Variants in ALG12 observed in about 807,000 individuals in gnomAD.
ALG12 encodes the protein ALG12 alpha-1,6-mannosyltransferase.
Under a neutral mutation model 46.0 loss-of-function variants are expected in ALG12, and 36 were observed. The ratio of observed to expected loss-of-function variants is 0.78; its 90% CI spans 0.60 to 1.03. The LOEUF (loss-of-function observed/expected upper bound fraction) is 1.03, where lower values mean the gene tolerates loss of function less well. ALG12 is among the 50% of genes least tolerant of loss of function. ALG12 has a pLI of 0.00. For synonymous variants in ALG12, 326 were observed against 291.6 expected (o/e 1.12, Z -1.20); for missense variants, 599 against 633.5 (o/e 0.95, Z 0.58).
downstream of ALG12, among the ~76,000 whole-genome samples, chr22:49,895,876 T>C (rs1601811863): frequency 6.6e-6 from 1 of 152,322 alleles, no homozygotes; most frequent in East Asian, 1.9e-4. Flanking sequence ...TAATATTTGA[T>C]CAGCTGCAGT....
chr22:49,868,949 T>TA, the ALG12 span, among the ~76,000 whole-genome samples: 1 of 69,782 alleles, frequency 1.4e-5, no homozygotes, highest in Non-Finnish European at 2.7e-5. Context: ...CTGTCTCTAC[T>TA]AAAAATACAA....
At chr22:49,912,873 G>GAA (rs71729997) in intron 3 of ALG12, among the ~76,000 whole-genome samples, 1 of 148,958 alleles carries the variant, frequency 6.7e-6, no homozygotes, top group East Asian at 2.0e-4. Context: ...TCTCAAAAAA[G>GAA]AAAAAAAAAT....
chr22:49,896,689 A>G (rs549300693), downstream of ALG12, among the ~76,000 whole-genome samples: 6 of 152,206 alleles, frequency 3.9e-5, no homozygotes, highest in East Asian at 5.8e-4. Context: ...AGGCTGGAGT[A>G]CAATGGCGTG....
the ALG12 span, chr22:49,885,569 C>T: frequency 6.2e-7 from 1 of 1,603,170 alleles, no homozygotes; most frequent in Non-Finnish European, 8.5e-7. Flanking sequence ...ACAGAATTAT[C>T]AGGCGCTTCC....
Position 49,913,431 on chromosome 22 carries a change from G to A in ALG12, c.249C>T (p.Tyr83=), listed in dbSNP as rs748143843. 2.0e-5 allele frequency: 33 copies of A among 1,613,870 alleles called. No individual in the cohort carries two copies. The highest frequency in any genetic ancestry group is 2.7e-5 in the Non-Finnish European group (32 of 1,180,046). Residue 83 remains tyrosine (Y), a synonymous_variant, in exon 3 of 10, where the codon TAC becomes TAT. Transcript: ENST00000330817. Reference sequence around the variant, plus strand: ...TGGACATTTCTAACAGCGAAAGCACGTAAACCGCGGGGCTGGAGAACACTG... The same window carrying A: ...TGGACATTTCTAACAGCGAAAGCACATAAACCGCGGGGCTGGAGAACACTG... The part of the protein sequence containing the change: ...VIAVFSSPAV[Y]VLSLLEMSKF...
chr22:49,885,415 A>G, the ALG12 span: 2 of 1,604,484 alleles, frequency 1.2e-6, no homozygotes, highest in Non-Finnish European at 1.7e-6. Context: ...CTGTGGCCGG[A>G]CCATCAGCCG....
At chr22:49,883,849 G>A in the ALG12 span, 1 of 1,609,362 alleles carries the variant, frequency 6.2e-7, no homozygotes. Context: ...GGGCCTCGGT[G>A]GGACGGGTTG....
chr22:49,902,901 G>T lies in ALG12; in HGVS notation c.*937C>A, dbSNP rs1224267337. On this transcript the variant is annotated 3_prime_UTR_variant, in exon 10 of 10. Transcript: ENST00000330817. Reference sequence around the variant, plus strand: ...TAATGTGCACGTGTGCACTGTGTGTGGTGTGTATGCATGGTGTGTGCACGT... The same window carrying T: ...TAATGTGCACGTGTGCACTGTGTGTTGTGTGTATGCATGGTGTGTGCACGT... The T allele has an allele frequency of 2.6e-4, 49 of 187,272 alleles. No individual in the cohort carries two copies. The highest frequency in any genetic ancestry group is 4.6e-4 in the Non-Finnish European group (45 of 97,084). 11.6% of individuals were successfully genotyped at this position (187,272 alleles called of 1,614,324 possible). A position where few individuals can be genotyped will look rare whatever the true frequency, so the allele number is the denominator to read the frequency against.
chr22:49,885,891 C>T, the ALG12 span: 60 of 1,139,658 alleles, frequency 5.3e-5, no homozygotes, highest in African/African-American at 7.2e-4. Context: ...CCCGTGAGTA[C>T]CTGACCCTCA....
At chr22:49,908,541 A>C (rs946400374) in intron 6 of ALG12, among the ~76,000 whole-genome samples, 1 of 145,158 alleles carries the variant, frequency 6.9e-6, no homozygotes, top group Non-Finnish European at 1.5e-5. Flanking sequence ...AAAAAAAAAA[A>C]AAAAACCAAA....
At chr22:49,899,771 G>A (rs186970483), downstream of ALG12, among the ~76,000 whole-genome samples, 2 of 152,268 alleles carry the variant, frequency 1.3e-5, no homozygotes, top group East Asian at 1.9e-4. Flanking sequence ...ACCACAGAGA[G>A]GACAGCAGCT....
the ALG12 span, among the ~76,000 whole-genome samples, chr22:49,882,018 C>T: frequency 6.6e-6 from 1 of 152,142 alleles, no homozygotes; most frequent in African/African-American, 2.4e-5. Context: ...GCCTGTTTCC[C>T]CAGCAGTATT....
the ALG12 span, among the ~76,000 whole-genome samples, chr22:49,893,274 T>C: frequency 2.6e-5 from 4 of 152,170 alleles, no homozygotes; most frequent in African/African-American, 7.2e-5. Flanking sequence ...CTGAGGACTT[T>C]CCAGAACTGT....
At chr22:49,880,463 T>G in the ALG12 span, among the ~76,000 whole-genome samples, 1 of 152,324 alleles carries the variant, frequency 6.6e-6, no homozygotes, top group Non-Finnish European at 1.5e-5. Flanking sequence ...CCCCGCAGCC[T>G]GGAAGCCTGG....
intron 6 of ALG12, among the ~76,000 whole-genome samples, chr22:49,908,981 G>GTCCA (rs1569175489): frequency 6.6e-6 from 1 of 150,404 alleles, no homozygotes; most frequent in African/African-American, 2.4e-5. Context: ...CAGATTGTCC[G>GTCCA]AGGAGCAGAG....
chr22:49,878,841 TA>T, the ALG12 span, among the ~76,000 whole-genome samples: 3 of 151,300 alleles, frequency 2.0e-5, no homozygotes, highest in Non-Finnish European at 4.4e-5. Flanking sequence ...CTACTAAAAA[TA>T]AAAAAAATGA....
At chr22:49,885,658 A>G in the ALG12 span, 1 of 1,612,936 alleles carries the variant, frequency 6.2e-7, no homozygotes, top group Non-Finnish European at 8.5e-7. Flanking sequence ...AGCTGAAATG[A>G]TTGCACTTGA....
In ALG12 at chr22:49,904,083, G is replaced by T. The variant is rs2147579777; in HGVS notation, c.1239-17C>A. 1.2e-6 allele frequency: 2 copies of T among 1,614,050 alleles called. No homozygotes were observed. The highest frequency in any genetic ancestry group is 1.7e-6 in the Non-Finnish European group (2 of 1,179,972). ...TTGTCGTACCTGTGGGATGAGAGCT[G>T]GTGGTCCTGCCCAGGGCCCCCACAT... On this transcript the variant is annotated splice_polypyrimidine_tract_variant and intron_variant, in intron 9 of 9. Transcript: ENST00000330817.
In ALG12 at chr22:49,904,056, T is replaced by G. The variant is rs776508443; in HGVS notation, c.1249A>C (p.Arg417=). 1 of 1,614,156 alleles carries G rather than the reference T, an allele frequency of 6.2e-7. No individual in the cohort carries two copies. Among genetic ancestry groups the G allele is most frequent in the Non-Finnish European group, 8.5e-7 (1 of 1,180,008 alleles). The change falls in exon 10 of 10, where the codon AGG becomes CGG. Residue 417 remains arginine (R), a synonymous_variant. Transcript: ENST00000330817. ...CCTGTCCCCGGCTGCACATCCTCCC[T>G]CTTGTCGTACCTGTGGGATGAGAGC... The part of the protein sequence containing the change: ...QVNSAWRYDK[R]EDVQPGTGML...
Sources: allele counts gnomAD v4.1 joint callset (sites outside exome capture counted in the v4.1 genomes callset), GRCh38; gene constraint gnomAD v4.1.1; transcripts MANE v1.5; gene names NCBI Gene and HGNC (gene_info 2026-07-23, HGNC 2026-07-21).